Variants in SHROOM3 observed in about 807,000 individuals in gnomAD.
SHROOM3 encodes the protein shroom family member 3, also known as protein Shroom3.
Under a neutral mutation model 138.6 loss-of-function variants are expected in SHROOM3, and 47 were observed. The observed-to-expected ratio is 0.34, with a 90% CI of 0.27 to 0.43. The LOEUF (loss-of-function observed/expected upper bound fraction) is 0.43. Among genes scored for constraint, SHROOM3 ranks in the 20% least tolerant of loss-of-function variants. The pLI, the probability that SHROOM3 is intolerant of heterozygous loss-of-function variation, is 1.00. For missense variants in SHROOM3, 2,491 were observed against 2,596.5 expected, an observed-to-expected ratio of 0.96 and a Z score of 0.88; for synonymous variants, 1,062 against 1,063.3, an observed-to-expected ratio of 1.00 and a Z score of 0.02.
intron 1 of SHROOM3, among the ~76,000 whole-genome samples, chr4:76,472,429 T>C (rs1313709273): frequency 6.6e-6 from 1 of 152,108 alleles, no homozygotes; most frequent in Non-Finnish European, 1.5e-5. Context: ...AGTCTTGTCA[T>C]GGAGAGGAGA....
intron 1 of SHROOM3, among the ~76,000 whole-genome samples, chr4:76,526,639 C>T (rs1351874855): frequency 3.3e-5 from 5 of 152,190 alleles, no homozygotes; most frequent in African/African-American, 9.7e-5. Flanking sequence ...CCTTCCCTAA[C>T]GTACTGAGAG....
intron 1 of SHROOM3, among the ~76,000 whole-genome samples, chr4:76,527,806 G>A (rs1461338860): frequency 6.6e-6 from 1 of 152,162 alleles, no homozygotes; most frequent in African/African-American, 2.4e-5. Context: ...GTGGAGACTT[G>A]TTCTTAATAC....
chr4:76,747,104 C>T (rs1721464555), intron 5 of SHROOM3, among the ~76,000 whole-genome samples: 1 of 152,076 alleles, frequency 6.6e-6, no homozygotes, highest in South Asian at 2.1e-4. Flanking sequence ...AGGCGTGAGC[C>T]ACCGCGCCCG....
intron 1 of SHROOM3, among the ~76,000 whole-genome samples, chr4:76,519,158 A>G (rs903489893): frequency 5.9e-5 from 9 of 152,186 alleles, no homozygotes; most frequent in African/African-American, 1.7e-4. Flanking sequence ...GTGAAACACT[A>G]TGGTTGGGAA....
intron 10 of SHROOM3, among the ~76,000 whole-genome samples, chr4:76,774,629 T>C (rs1254476757): frequency 1.3e-5 from 2 of 151,800 alleles, no homozygotes; most frequent in African/African-American, 2.4e-5. Context: ...GATGAAAAAA[T>C]TCTCAATTTT....
Position 76,555,851 on chromosome 4 carries a change from G to C in SHROOM3, c.323+88G>C. Reference sequence around the variant, plus strand: ...CCCCACCTCTGGGAAAAGAGCTCGGGGTTGGTAGCTTGGCTTTAAACCTCC... The same window carrying C: ...CCCCACCTCTGGGAAAAGAGCTCGGCGTTGGTAGCTTGGCTTTAAACCTCC... On this transcript the variant is annotated intron_variant, in intron 2 of 10. Coordinates refer to ENST00000296043, the MANE Select transcript of SHROOM3 (RefSeq NM_020859.4). The C allele has an allele frequency of 2.7e-6, 4 of 1,476,342 alleles. No individual in the cohort carries two copies. In the South Asian group the frequency reaches 3.6e-5, roughly 13 times the overall value. The allele number at this position is 1,476,342 out of a possible 1,614,324, so 91.5% of individuals were successfully genotyped here. A position where few individuals can be genotyped will look rare whatever the true frequency, so the allele number is the denominator to read the frequency against.
intron 2 of SHROOM3, among the ~76,000 whole-genome samples, chr4:76,667,155 T>C (rs538596664): frequency 1.2e-4 from 19 of 152,210 alleles, no homozygotes; most frequent in African/African-American, 4.6e-4. Context: ...AAAAGAGTTC[T>C]GAGTACAAGA....
intron 2 of SHROOM3, among the ~76,000 whole-genome samples, chr4:76,662,936 G>A (rs13139112): frequency 0.31 from 47,148 of 151,208 alleles, 7,476 homozygotes; most frequent in East Asian, 0.42. Context: ...AGAGGGAGAG[G>A]GAGGGAGAGA....
intron 2 of SHROOM3, chr4:76,586,807 T>G (rs531921487): frequency 6.6e-6 from 1 of 152,338 alleles, no homozygotes; most frequent in South Asian, 2.1e-4. Flanking sequence ...ACTTGTATAA[T>G]AAGACCAAGT....
intron 2 of SHROOM3, among the ~76,000 whole-genome samples, chr4:76,646,670 A>G (rs556167901): frequency 1.3e-5 from 2 of 152,298 alleles, no homozygotes; most frequent in African/African-American, 4.8e-5. Flanking sequence ...ATTTCATCCA[A>G]TTCTTTAAAA....
At chr4:76,756,417 CTTTTT>C in intron 7 of SHROOM3, 27 bp from the exon 8 acceptor site, 1 of 1,267,546 alleles carries the variant, frequency 7.9e-7, no homozygotes, top group Non-Finnish European at 1.1e-6. Context: ...CTCTCTCTCT[CTTTTT>C]TTTTTTTTTT....
Position 76,482,554 on chromosome 4 carries a change from C to T in SHROOM3, c.168+46334C>T, listed in dbSNP as rs985823708. Among the ~76,000 whole-genome samples the T allele has an allele frequency of 2.0e-5, 3 of 152,072 alleles. No homozygotes were observed. In the South Asian group the frequency reaches 6.2e-4, roughly 32 times the overall value. On this transcript the variant is annotated intron_variant, in intron 1 of 10. Transcript: ENST00000296043. The stretch of plus-strand genomic sequence containing the variant: ...GTTCATGGATAGGAAGAATGAATAT[C>T]GTGAAAATGGCCATACTGCCCAAAG...
chr4:76,754,668 C>G lies in SHROOM3; in HGVS notation c.4185C>G (p.Thr1395=), dbSNP rs2110143677. The G allele has an allele frequency of 1.2e-6, 2 of 1,614,184 alleles. No homozygotes were observed. Among genetic ancestry groups the G allele is most frequent in the Non-Finnish European group, 1.7e-6 (2 of 1,180,026 alleles). Residue 1395 remains threonine, a synonymous_variant, in exon 7 of 11, where the codon ACC becomes ACG. Coordinates refer to ENST00000296043, the MANE Select transcript of SHROOM3 (RefSeq NM_020859.4). ...MMHRSNGHTL[T]QPPGPRGCEG... ...ACAGAAGCAATGGTCACACCCTGAC[C>G]CAGCCTCCCGGTCCAAGAGGCTGTG...
At chr4:76,694,464 G>A (rs539789874) in intron 2 of SHROOM3, among the ~76,000 whole-genome samples, 2 of 152,184 alleles carry the variant, frequency 1.3e-5, no homozygotes, top group African/African-American at 2.4e-5. Context: ...TTAAACATTG[G>A]CATTTCTCAT....
chr4:76,608,590 C>T (rs1560563180), intron 2 of SHROOM3, among the ~76,000 whole-genome samples: 26 of 103,178 alleles, frequency 2.5e-4, no homozygotes, highest in African/African-American at 8.5e-4. Context: ...CATAGCATAG[C>T]ATAGCATAGC....
chr4:76,565,215 G>A (rs924198944), intron 2 of SHROOM3, among the ~76,000 whole-genome samples: 2 of 150,810 alleles, frequency 1.3e-5, no homozygotes, highest in South Asian at 4.2e-4. Flanking sequence ...TGAGCCTTTA[G>A]GATATGAGGT....
At chr4:76,478,140 C>A (rs554153210) in intron 1 of SHROOM3, among the ~76,000 whole-genome samples, 227 of 152,252 alleles carry the variant, frequency 1.5e-3, no homozygotes, top group Non-Finnish European at 2.8e-3. Flanking sequence ...TGTTCACTCC[C>A]CTGGAAAGGG....
intron 1 of SHROOM3, among the ~76,000 whole-genome samples, chr4:76,508,667 C>T (rs1732265171): frequency 6.6e-6 from 1 of 152,168 alleles, no homozygotes; most frequent in Admixed American, 6.5e-5. Context: ...AATATAAAGC[C>T]TTCCAATCAA....
intron 9 of SHROOM3, among the ~76,000 whole-genome samples, chr4:76,770,026 T>C (rs1159425310): frequency 1.3e-5 from 2 of 152,104 alleles, no homozygotes; most frequent in Admixed American, 6.6e-5. Context: ...AAAGGACTTT[T>C]AAAAATGAGT....
Sources: gnomAD v4.1 joint callset for allele counts (sites outside exome capture counted in the v4.1 genomes callset) on GRCh38, gnomAD v4.1.1 for gene constraint, MANE v1.5 for transcripts, NCBI Gene and HGNC (gene_info 2026-07-23, HGNC 2026-07-21) for gene names.